FLACC1: variants seen among roughly 807,000 people sequenced by gnomAD.
The protein encoded by FLACC1 is flagellum associated containing coiled-coil domains 1.
In FLACC1, 66 loss-of-function variants were observed where a neutral mutation model predicts 62.8. The observed-to-expected ratio is 1.05, with a 90% CI of 0.86 to 1.29. FLACC1 has a LOEUF of 1.29. FLACC1 is among the 50% of genes most tolerant of loss of function. FLACC1 has a pLI of 0.00. For missense variants in FLACC1, 452 were observed against 489.1 expected (o/e 0.92, Z 0.71); for synonymous variants, 156 against 161.0 (o/e 0.97, Z 0.24).
chr2:201,330,976 T>TA (rs1340766214), intron 7 of FLACC1, 143 bp from the exon 8 acceptor site: 93 of 569,440 alleles, frequency 1.6e-4, no homozygotes, highest in Admixed American at 1.2e-3. Flanking sequence ...TAAATCTTTT[T>TA]TTTTTTTTTT....
intron 11 of FLACC1, among the ~76,000 whole-genome samples, chr2:201,301,423 G>C (rs909734545): frequency 1.3e-5 from 2 of 152,142 alleles, no homozygotes; most frequent in Non-Finnish European, 2.9e-5. Flanking sequence ...AAGAAATATG[G>C]GACTATGTGA....
At chr2:201,291,528 G>C (rs1433153428) in intron 12 of FLACC1, among the ~76,000 whole-genome samples, 10 of 152,318 alleles carry the variant, frequency 6.6e-5, no homozygotes, top group Admixed American at 6.5e-4. Flanking sequence ...CCATCTGTAC[G>C]TCACTGTCAT....
At chr2:201,344,925 T>G (rs1950882621) in intron 5 of FLACC1, among the ~76,000 whole-genome samples, 1 of 152,122 alleles carries the variant, frequency 6.6e-6, no homozygotes, top group Non-Finnish European at 1.5e-5. Context: ...ACAGAGAGAA[T>G]GTGGGCTGAT....
Position 201,351,415 on chromosome 2 carries a change from C to CAA in FLACC1, c.-12_-11insTT. On this transcript the variant is annotated 5_prime_UTR_variant, in exon 2 of 15. Transcript: ENST00000392257. The stretch of plus-strand genomic sequence containing the variant: ...AGGGTTGGGGTACATGGCCAAAGGT[C>CAA]AGGGGGAGTCTTGGCTGCTAGATCA... The CAA allele has an allele frequency of 6.3e-7, 1 of 1,595,960 alleles. No homozygotes were observed.
chr2:201,293,471 C>A (rs1949784852), intron 12 of FLACC1, among the ~76,000 whole-genome samples: 1 of 152,154 alleles, frequency 6.6e-6, no homozygotes. Flanking sequence ...TCTTCAAAAC[C>A]AATGAGAACA....
At chr2:201,320,649 C>G (rs556250990) in intron 9 of FLACC1, among the ~76,000 whole-genome samples, 1 of 152,322 alleles carries the variant, frequency 6.6e-6, no homozygotes, top group African/African-American at 2.4e-5. Flanking sequence ...GAACCACTCC[C>G]ATCCCCTGGC....
chr2:201,295,242 C>T (rs538471961), intron 12 of FLACC1, among the ~76,000 whole-genome samples: 24 of 152,278 alleles, frequency 1.6e-4, no homozygotes, highest in African/African-American at 3.6e-4. Context: ...GGAGGCATCT[C>T]GCTACCTGAC....
chr2:201,329,849 G>A (rs1950557822), intron 9 of FLACC1, among the ~76,000 whole-genome samples: 1 of 152,184 alleles, frequency 6.6e-6, no homozygotes, highest in Non-Finnish European at 1.5e-5. Flanking sequence ...ACTTGTACAT[G>A]TATCCCCTGA....
intron 12 of FLACC1, among the ~76,000 whole-genome samples, chr2:201,296,628 A>G (rs576628151): frequency 1.8e-4 from 27 of 152,250 alleles, no homozygotes; most frequent in South Asian, 1.0e-3. Context: ...AAACCTGTAC[A>G]TTATGCACAT....
chr2:201,299,211 T>C (rs1366144431), intron 12 of FLACC1, 27 bp downstream of exon 12: 1 of 1,601,462 alleles, frequency 6.2e-7, no homozygotes. Context: ...ATATACCAAG[T>C]CCACAGGAAA....
At chr2:201,304,665 C>T (rs531364285) in intron 11 of FLACC1, among the ~76,000 whole-genome samples, 27 of 152,296 alleles carry the variant, frequency 1.8e-4, no homozygotes, top group African/African-American at 6.5e-4. Context: ...AGGCATCACA[C>T]TACCTGACTT....
intron 11 of FLACC1, among the ~76,000 whole-genome samples, chr2:201,303,358 C>T (rs1950029805): frequency 6.6e-6 from 1 of 152,134 alleles, no homozygotes; most frequent in Admixed American, 6.5e-5. Context: ...TGGACACATA[C>T]ACCCTCCCAA....
rs1950781114 is a variant in FLACC1 at position 201,340,298 on chromosome 2, T to G, written c.524+2072A>C. Among the ~76,000 whole-genome samples, 4 of 152,248 alleles carry G rather than the reference T, an allele frequency of 2.6e-5. 1 individual carries two copies. In the South Asian group the frequency reaches 8.3e-4, roughly 32 times the overall value. On this transcript the variant is annotated intron_variant, in intron 7 of 14. Transcript: ENST00000392257. ...TTTGTTAATTTTTGTTTTGTTGTTT[T>G]GTAGATTCTTTCTTCCTCTCTTGGT...
intron 9 of FLACC1, among the ~76,000 whole-genome samples, chr2:201,309,896 ACT>A (rs1445637198): frequency 2.4e-5 from 3 of 126,874 alleles, no homozygotes; most frequent in Admixed American, 8.4e-5. Context: ...ACAGAGTGAG[ACT>A]CTGTCTCAAA....
intron 6 of FLACC1, among the ~76,000 whole-genome samples, chr2:201,342,828 G>A (rs1292945974): frequency 6.6e-6 from 1 of 152,198 alleles, no homozygotes; most frequent in Admixed American, 6.5e-5. Context: ...GAGCCAAGGA[G>A]GACTAAGACT....
At chr2:201,307,476 T>C (rs1282766846) in intron 11 of FLACC1, 43 bp downstream of exon 11, 1 of 1,482,084 alleles carries the variant, frequency 6.7e-7, no homozygotes, top group African/African-American at 1.4e-5. Context: ...GTGTACCACC[T>C]GGACTACCCA....
chr2:201,310,670 G>A (rs932934943), intron 9 of FLACC1, among the ~76,000 whole-genome samples: 1 of 152,170 alleles, frequency 6.6e-6, no homozygotes, highest in African/African-American at 2.4e-5. Context: ...GCTTGTGGCA[G>A]TGCAGAGTGA....
intron 4 of FLACC1, among the ~76,000 whole-genome samples, chr2:201,347,539 C>A (rs1327309435): frequency 1.3e-5 from 2 of 151,824 alleles, no homozygotes; most frequent in African/African-American, 4.8e-5. Context: ...TTTCCCAGCA[C>A]CTGAAACAGT....
intron 14 of FLACC1, 147 bp downstream of exon 14, chr2:201,289,310 C>A: frequency 1.5e-6 from 1 of 677,042 alleles, no homozygotes; most frequent in East Asian, 2.7e-5. Context: ...TGTCACTGGC[C>A]TAGAGTGACA....
Sources: gnomAD v4.1 joint callset for allele counts (sites outside exome capture counted in the v4.1 genomes callset) on GRCh38, gnomAD v4.1.1 for gene constraint, MANE v1.5 for transcripts, NCBI Gene and HGNC (gene_info 2026-07-23, HGNC 2026-07-21) for gene names.